CFAP100: variants seen among roughly 807,000 people sequenced by gnomAD.
CFAP100 encodes the protein cilia and flagella associated protein 100.
Under a neutral mutation model 81.5 loss-of-function variants are expected in CFAP100, and 70 were observed. The ratio of observed to expected loss-of-function variants is 0.86; its 90% confidence interval spans 0.71 to 1.05. The LOEUF is 1.05. Ranked by LOEUF, CFAP100 falls within the 50% of genes least tolerant of loss-of-function variation. The pLI, the probability that CFAP100 is intolerant of heterozygous loss-of-function variation, is 0.00. For missense variants in CFAP100, 811 were observed against 776.5 expected (o/e 1.04, Z -0.53); for synonymous variants, 341 against 314.8 (o/e 1.08, Z -0.88).
At chr3:126,421,416 A>G (rs185871797) in intron 11 of CFAP100, among the ~76,000 whole-genome samples, 213 of 152,352 alleles carry the variant, frequency 1.4e-3, no homozygotes, top group Non-Finnish European at 2.4e-3. Context: ...CCTGCTTAAG[A>G]AATATTTGCC....
At chr3:126,429,399 C>G (rs952615817) in intron 13 of CFAP100, among the ~76,000 whole-genome samples, 4 of 152,002 alleles carry the variant, frequency 2.6e-5, no homozygotes, top group African/African-American at 9.7e-5. Flanking sequence ...TCTTTAATTT[C>G]TGATTTTATG....
chr3:126,418,367 A>G, intron 5 of CFAP100, 91 bp from the exon 6 acceptor site: 1 of 1,173,514 alleles, frequency 8.5e-7, no homozygotes, highest in Non-Finnish European at 1.3e-6. Flanking sequence ...AGCAGTGGCC[A>G]GCAGCCGGTG....
chr3:126,432,706 G>A (rs1462269482), intron 13 of CFAP100: 1 of 170,706 alleles, frequency 5.9e-6, no homozygotes, highest in African/African-American at 2.4e-5. Flanking sequence ...GACTGTTAAT[G>A]GGCACAGGGT....
chr3:126,418,968 G>A (rs1354432792), intron 7 of CFAP100, 108 bp from the exon 8 acceptor site: 14 of 983,812 alleles, frequency 1.4e-5, no homozygotes, highest in South Asian at 1.0e-4. Context: ...AGCCCTGTCC[G>A]GAGCCGGGCC....
intron 1 of CFAP100, chr3:126,395,317 C>T (rs1323199312): frequency 6.6e-6 from 1 of 152,228 alleles, no homozygotes; most frequent in Non-Finnish European, 1.5e-5. Context: ...AGTGGGGGCC[C>T]TTTCCAGAGG....
Position 126,418,656 on chromosome 3 carries a change from C to A in CFAP100, c.532C>A (p.Leu178Met), listed in dbSNP as rs764152815. The A allele has an allele frequency of 1.3e-6, 2 of 1,586,258 alleles. No individual in the cohort carries two copies. The highest frequency in any genetic ancestry group is 1.9e-5 in the Admixed American group (1 of 53,946). Reference sequence around the variant, plus strand: ...GAGAGAGATCCAGCGGCTGGAGACGCTGGCGACCAAAGAGGAGGCCAGGCT... The same window carrying A: ...GAGAGAGATCCAGCGGCTGGAGACGATGGCGACCAAAGAGGAGGCCAGGCT... ...KRREIQRLETLATKEEARLER... is the reference protein window; with the variant it reads ...KRREIQRLETMATKEEARLER... The change falls in exon 7 of 17, where the codon CTG becomes ATG. Residue 178 changes from leucine (L) to methionine (M), a missense_variant. By Grantham distance (15) the Leu-to-Met change is conservative (BLOSUM62 2). Coordinates refer to ENST00000352312, the MANE Select transcript of CFAP100 (RefSeq NM_182628.3).
chr3:126,420,918 T>C (rs1168863105), intron 11 of CFAP100: 1 of 152,358 alleles, frequency 6.6e-6, no homozygotes. Context: ...TATGGTTACC[T>C]ATTGGTTCTC....
rs2083197310 is a variant in CFAP100, at chr3:126,414,124, C to G, written c.170C>G (p.Ser57Cys). The G allele has an allele frequency of 4.3e-6, 7 of 1,614,020 alleles. No individual in the cohort carries two copies. The South Asian group carries it at 6.6e-5, about 15-fold the overall frequency. ...PDPSANPFHLSGDVDFFLLRD... is the reference protein window; with the variant it reads ...PDPSANPFHLCGDVDFFLLRD... Reference sequence around the variant, plus strand: ...CCTTCAGCGAACCCTTTCCACTTATCTGGGGATGTGGATTTCTTCTTGCTC... The same window carrying G: ...CCTTCAGCGAACCCTTTCCACTTATGTGGGGATGTGGATTTCTTCTTGCTC... Residue 57 changes from serine to cysteine, a missense_variant, in exon 4 of 17, where the codon TCT (serine) becomes TGT (cysteine). Physicochemically the swap from Ser to Cys is moderately radical, Grantham distance 112 (BLOSUM62 -1). Transcript: ENST00000352312.
At chr3:126,424,082 T>C (rs1401219575) in intron 13 of CFAP100, among the ~76,000 whole-genome samples, 1 of 152,282 alleles carries the variant, frequency 6.6e-6, no homozygotes, top group Non-Finnish European at 1.5e-5. Context: ...TCATATTTCG[T>C]AGACCACTGA....
Position 126,418,749 on chromosome 3 carries a change from T to C in CFAP100, c.625T>C (p.Cys209Arg). 1 of 1,595,332 alleles carries C rather than the reference T, an allele frequency of 6.3e-7. No homozygotes were observed. Among genetic ancestry groups the C allele is most frequent in the East Asian group, 2.3e-5 (1 of 44,244 alleles). ...CGACGAGTTCGTCAGGGAGAATGAC[T>C]GCAGCTCCGTGCAGGCCATGAGAGC... is the stretch of plus-strand genomic sequence containing the variant. ...LFDEFVRENDCSSVQAMRAAE... is the reference protein window; with the variant it reads ...LFDEFVRENDRSSVQAMRAAE... The change falls in exon 7 of 17, where the codon TGC (cysteine) becomes CGC (arginine). Residue 209 changes from cysteine (C) to arginine (R), a missense_variant. Transcript: ENST00000352312.
At chr3:126,407,363 G>C (rs967131150) in intron 3 of CFAP100, 111 bp downstream of exon 3, 6 of 613,978 alleles carry the variant, frequency 9.8e-6, no homozygotes, top group Admixed American at 3.0e-5. Flanking sequence ...AGAAGGAAAT[G>C]TTTCTCTTTC....
intron 5 of CFAP100, among the ~76,000 whole-genome samples, chr3:126,417,258 T>C (rs558551810): frequency 2.0e-5 from 3 of 152,096 alleles, no homozygotes; most frequent in Admixed American, 1.3e-4. Context: ...TCATGGATTG[T>C]GGGGATTGAA....
At chr3:126,432,882 T>C in intron 13 of CFAP100, 187 bp from the exon 14 acceptor site, 1 of 491,658 alleles carries the variant, frequency 2.0e-6, no homozygotes, top group Non-Finnish European at 3.5e-6. Context: ...TGTTAAATAT[T>C]TTACATTTTC....
rs1323565325 is a variant in CFAP100, at chr3:126,434,883, G to C, written c.1628+502G>C. Among the ~76,000 whole-genome samples the C allele has an allele frequency of 2.0e-5, 3 of 152,176 alleles. No homozygotes were observed. The East Asian group carries it at 5.8e-4, about 29-fold the overall frequency. ...GGAAGACAAAGTGCAGAGGCTCAGA[G>C]AGCCTTGGGAGTTTCAGCTCAGAGG... On this transcript the variant is annotated intron_variant, in intron 15 of 16. Transcript: ENST00000352312.
chr3:126,398,664 C>T (rs1415534108), intron 2 of CFAP100, among the ~76,000 whole-genome samples: 1 of 152,208 alleles, frequency 6.6e-6, no homozygotes, highest in African/African-American at 2.4e-5. Context: ...TTTAATTTGG[C>T]AGTGTGGAGA....
At chr3:126,416,215 TCG>T in intron 4 of CFAP100, 99 bp from the exon 5 acceptor site, 1 of 719,370 alleles carries the variant, frequency 1.4e-6, no homozygotes, top group African/African-American at 2.3e-5. Flanking sequence ...CCCCGCGTCC[TCG>T]CGCGCAAACC....
At chr3:126,408,608 A>G (rs909551989) in intron 3 of CFAP100, among the ~76,000 whole-genome samples, 1 of 152,062 alleles carries the variant, frequency 6.6e-6, no homozygotes, top group Non-Finnish European at 1.5e-5. Flanking sequence ...CTTGGACATT[A>G]GCCCCAGGTG....
At chr3:126,422,496 C>T (rs1007704611) in intron 11 of CFAP100, among the ~76,000 whole-genome samples, 7 of 151,302 alleles carry the variant, frequency 4.6e-5, no homozygotes, top group Non-Finnish European at 7.4e-5. Flanking sequence ...CAGCCCCCCC[C>T]ACCTCAGTCA....
chr3:126,400,540 T>G (rs1385094538), intron 2 of CFAP100, among the ~76,000 whole-genome samples: 1 of 151,804 alleles, frequency 6.6e-6, no homozygotes, highest in Non-Finnish European at 1.5e-5. Context: ...GATCACGAGG[T>G]CAGGAGATTG....
Sources: gnomAD v4.1 joint callset for allele counts (sites outside exome capture counted in the v4.1 genomes callset) on GRCh38, gnomAD v4.1.1 for gene constraint, MANE v1.5 for transcripts, NCBI Gene and HGNC (gene_info 2026-07-23, HGNC 2026-07-21) for gene names.